Variants in PTPRD observed in about 807,000 individuals in gnomAD.
The protein encoded by PTPRD is protein tyrosine phosphatase receptor type D, also known as receptor-type tyrosine-protein phosphatase delta.
In PTPRD, 34 loss-of-function variants were observed where a neutral mutation model predicts 214.5. That is an observed-to-expected ratio of 0.16 (90% CI 0.12 to 0.21). PTPRD has a LOEUF of 0.21. PTPRD is among the 10% of genes least tolerant of loss of function. The pLI, the probability that PTPRD is intolerant of heterozygous loss-of-function variation, is 1.00. For synonymous variants in PTPRD, 1,128 were observed against 845.7 expected, an observed-to-expected ratio of 1.33 and a Z score of -5.79; for missense variants, 2,545 against 2,398.7, an observed-to-expected ratio of 1.06 and a Z score of -1.27.
chr9:9,961,886 T>C (rs2094390564), intron 4 of PTPRD, among the ~76,000 whole-genome samples: 1 of 152,168 alleles, frequency 6.6e-6, no homozygotes, highest in Non-Finnish European at 1.5e-5. Flanking sequence ...CTAGTGCTTT[T>C]AAAAACAATT....
chr9:9,681,837 C>T (rs2097079520), intron 7 of PTPRD, among the ~76,000 whole-genome samples: 2 of 151,736 alleles, frequency 1.3e-5, no homozygotes, highest in South Asian at 4.1e-4. Context: ...GGCACATAAA[C>T]CCAGCAGAGG....
chr9:9,638,829 G>C (rs2095850707), intron 7 of PTPRD, among the ~76,000 whole-genome samples: 1 of 152,264 alleles, frequency 6.6e-6, no homozygotes, highest in African/African-American at 2.4e-5. Context: ...TGTCTGGTGA[G>C]GGTCTGGTCC....
rs143124068 is a variant in PTPRD at position 10,042,256 on chromosome 9, T to C, written c.-544-8466A>G. On this transcript the variant is annotated intron_variant, in intron 3 of 45. Transcript: ENST00000381196. ...TATGTGTAATTTAAAATTTGTTCCA[T>C]TTCTGCCATACTATTATGCAGTTCT... is the stretch of plus-strand genomic sequence containing the variant. Among the ~76,000 whole-genome samples, 332 of 152,094 alleles carry C rather than the reference T, an allele frequency of 2.2e-3. 2 individuals carry two copies. The highest frequency in any genetic ancestry group is 6.8e-3 in the Middle Eastern group (2 of 294).
intron 2 of PTPRD, among the ~76,000 whole-genome samples, chr9:10,510,103 C>CA (rs1339638230): frequency 6.6e-6 from 1 of 152,002 alleles, no homozygotes; most frequent in African/African-American, 2.4e-5. Flanking sequence ...TCAAAATTAT[C>CA]AACTAGAGTA....
chr9:9,173,259 ATACTT>A (rs1351642853), intron 10 of PTPRD, among the ~76,000 whole-genome samples: 1 of 152,112 alleles, frequency 6.6e-6, no homozygotes, highest in Non-Finnish European at 1.5e-5. Flanking sequence ...TCCTTACTCA[ATACTT>A]TAATTTTATT....
rs971975936 is a variant in PTPRD at position 8,338,792 on chromosome 9, C to A, written c.5379+130G>T. On this transcript the variant is annotated intron_variant, in intron 43 of 45. Coordinates refer to ENST00000381196, the MANE Select transcript of PTPRD (RefSeq NM_002839.4). ...CATATTAAACATAAAAAAAAACGTT[C>A]TCCAGAATGAATGATTTCTCTTTGG... 6.1e-6 allele frequency: 5 copies of A among 816,274 alleles called. No individual in the cohort carries two copies. In the East Asian group the frequency reaches 8.5e-5, roughly 14 times the overall value. 50.6% of individuals were successfully genotyped at this position (816,274 alleles called of 1,614,324 possible).
chr9:8,435,281 T>C (rs1368993237), intron 35 of PTPRD, among the ~76,000 whole-genome samples: 1 of 152,176 alleles, frequency 6.6e-6, no homozygotes, highest in Non-Finnish European at 1.5e-5. Flanking sequence ...AGCTTCTTCT[T>C]ATTTTTGTGA....
intron 10 of PTPRD, among the ~76,000 whole-genome samples, chr9:9,019,308 GA>G (rs879356873): frequency 1.9e-5 from 2 of 103,112 alleles, no homozygotes; most frequent in Non-Finnish European, 3.9e-5. Context: ...AAGAAAGAAA[GA>G]AAGAAAGAAA....
At chr9:8,448,775 A>G (rs16927892) in intron 34 of PTPRD, among the ~76,000 whole-genome samples, 8,332 of 152,302 alleles carry the variant, frequency 0.055, 306 homozygotes, top group East Asian at 0.12. Flanking sequence ...AATTCACTGT[A>G]AAATGTGTAC....
intron 7 of PTPRD, among the ~76,000 whole-genome samples, chr9:9,630,459 A>C (rs1191909276): frequency 1.3e-5 from 2 of 152,206 alleles, no homozygotes; most frequent in African/African-American, 4.8e-5. Context: ...AAGGTACAGC[A>C]CTAGCCTGAA....
chr9:9,823,656 C>A (rs2051595339), intron 5 of PTPRD, among the ~76,000 whole-genome samples: 1 of 151,990 alleles, frequency 6.6e-6, no homozygotes, highest in African/African-American at 2.4e-5. Flanking sequence ...CATGTTCTCA[C>A]TCATATGTGT....
At chr9:10,326,458 T>C (rs1011818668) in intron 3 of PTPRD, among the ~76,000 whole-genome samples, 1 of 151,732 alleles carries the variant, frequency 6.6e-6, no homozygotes, top group Non-Finnish European at 1.5e-5. Flanking sequence ...TAGTTAGATA[T>C]TATGAAATAT....
intron 6 of PTPRD, among the ~76,000 whole-genome samples, chr9:9,744,398 T>C (rs547424480): frequency 1.9e-4 from 29 of 152,268 alleles, no homozygotes; most frequent in Non-Finnish European, 3.4e-4. Flanking sequence ...TTACCAATTT[T>C]GTTAGTTATT....
intron 5 of PTPRD, among the ~76,000 whole-genome samples, chr9:9,845,920 G>C (rs1398403523): frequency 6.6e-6 from 1 of 152,076 alleles, no homozygotes; most frequent in Non-Finnish European, 1.5e-5. Flanking sequence ...ACCTGGAGCA[G>C]AGAAGGAGCA....
chr9:9,269,657 T>C (rs758916237), intron 9 of PTPRD, among the ~76,000 whole-genome samples: 1 of 151,490 alleles, frequency 6.6e-6, no homozygotes, highest in Non-Finnish European at 1.5e-5. Context: ...TGTGTGTGTA[T>C]GTAAACATTA....
chr9:9,089,896 A>G (rs2099773102), intron 10 of PTPRD, among the ~76,000 whole-genome samples: 1 of 152,194 alleles, frequency 6.6e-6, no homozygotes, highest in African/African-American at 2.4e-5. Context: ...AAAAATGAAA[A>G]GAGACAAGTT....
At chr9:9,517,264 A>C (rs2096861024) in intron 8 of PTPRD, among the ~76,000 whole-genome samples, 1 of 152,116 alleles carries the variant, frequency 6.6e-6, no homozygotes, top group Admixed American at 6.6e-5. Flanking sequence ...ACAAGAGACA[A>C]TAAAATATGA....
At chr9:8,595,064 C>T (rs577236822) in intron 14 of PTPRD, among the ~76,000 whole-genome samples, 11 of 151,496 alleles carry the variant, frequency 7.3e-5, no homozygotes, top group South Asian at 2.1e-4. Context: ...GTGGTTTCTC[C>T]GTGTTAGCCA....
At chr9:8,626,132 C>T (rs1470194420) in intron 14 of PTPRD, among the ~76,000 whole-genome samples, 1 of 151,700 alleles carries the variant, frequency 6.6e-6, no homozygotes, top group African/African-American at 2.4e-5. Context: ...TAATTAGTAG[C>T]TTAAAATAAA....
Sources: allele counts gnomAD v4.1 joint callset (sites outside exome capture counted in the v4.1 genomes callset), GRCh38; gene constraint gnomAD v4.1.1; transcripts MANE v1.5; gene names NCBI Gene and HGNC (gene_info 2026-07-23, HGNC 2026-07-21).